Variants in BPI observed in about 807,000 individuals in gnomAD.
The protein encoded by BPI is bactericidal permeability-increasing protein.
A neutral mutation model predicts 57.6 loss-of-function variants in BPI; 48 were observed. That is an observed-to-expected ratio of 0.83 (90% CI 0.66 to 1.06). The LOEUF (loss-of-function observed/expected upper bound fraction) is 1.06. Ranked by LOEUF, BPI falls within the 50% of genes least tolerant of loss-of-function variation. The probability of loss-of-function intolerance (pLI) is 0.00; values close to 1 mark genes in which losing one functional copy is unlikely to be tolerated. For missense variants in BPI, 651 were observed against 609.7 expected (o/e 1.07, Z -0.71); for synonymous variants, 237 against 238.2 (o/e 0.99, Z 0.05).
intron 10 of BPI, 164 bp downstream of exon 10, chr20:38,326,596 A>G: frequency 1.3e-6 from 1 of 773,362 alleles, no homozygotes; most frequent in Non-Finnish European, 1.9e-6. Context: ...CGACTCCTGG[A>G]GGTATTCATT....
Position 38,329,356 on chromosome 20 carries a change from T to G in BPI, c.1230-1692T>G, listed in dbSNP as rs192564666. Reference sequence around the variant, plus strand: ...CACATCCCTGCCCAGTCCCGCCCTCTCCCTGGCACCAAGTCGTCCTTCTTC... The same window carrying G: ...CACATCCCTGCCCAGTCCCGCCCTCGCCCTGGCACCAAGTCGTCCTTCTTC... On this transcript the variant is annotated intron_variant, in intron 11 of 14. Transcript: ENST00000642449. Among the ~76,000 whole-genome samples, 286 of 152,322 alleles carry G rather than the reference T, an allele frequency of 1.9e-3. 1 individual carries two copies. The highest frequency in any genetic ancestry group is 6.7e-3 in the African/African-American group (277 of 41,576).
At chr20:38,307,030 A>T (rs2076599924) in intron 1 of BPI, among the ~76,000 whole-genome samples, 1 of 151,764 alleles carries the variant, frequency 6.6e-6, no homozygotes, top group African/African-American at 2.4e-5. Flanking sequence ...CAAAAATGTT[A>T]AAAAAAAATT....
intron 5 of BPI, among the ~76,000 whole-genome samples, chr20:38,313,407 A>G (rs1473118565): frequency 6.7e-6 from 1 of 148,324 alleles, no homozygotes; most frequent in Non-Finnish European, 1.5e-5. Flanking sequence ...AAAAAAAAAA[A>G]AAAAAAGGGT....
At chr20:38,312,020 T>C in intron 5 of BPI, 83 bp downstream of exon 5, 1 of 1,393,296 alleles carries the variant, frequency 7.2e-7, no homozygotes, top group Non-Finnish European at 1.0e-6. Flanking sequence ...ACGGACACTC[T>C]GCTGTCACTC....
Position 38,323,404 on chromosome 20 carries a change from C to T in BPI, c.757-466C>T, listed in dbSNP as rs533131124. On this transcript the variant is annotated intron_variant, in intron 7 of 14. Transcript: ENST00000642449. ...GGGTAGCATCAGTTTAAAGCACACA[C>T]GACTCTCAAAACAATTTTCCTCTTT... 3.9e-5 allele frequency among the ~76,000 whole-genome samples: 6 copies of T among 152,330 alleles called. No homozygotes were observed. The East Asian group carries it at 7.7e-4, about 20-fold the overall frequency.
chr20:38,326,818 G>C (rs1227686179), intron 10 of BPI, among the ~76,000 whole-genome samples: 1 of 152,058 alleles, frequency 6.6e-6, no homozygotes, highest in African/African-American at 2.4e-5. Context: ...TTAGATTGTT[G>C]ACTTGAAATA....
intron 11 of BPI, 152 bp downstream of exon 11, chr20:38,327,807 T>C: frequency 1.1e-6 from 1 of 896,200 alleles, no homozygotes; most frequent in Non-Finnish European, 1.7e-6. Context: ...ATGGCCACAG[T>C]ATCCCCATTT....
chr20:38,322,016 A>G lies in BPI; in HGVS notation c.756+1742A>G, dbSNP rs541772991. Among the ~76,000 whole-genome samples, 4 of 152,346 alleles carry G rather than the reference A, an allele frequency of 2.6e-5. No homozygotes were observed. The South Asian group carries it at 6.2e-4, about 24-fold the overall frequency. ...CAGACATATATTTTGCATGTGTCATATTATATATTCTGCTTTACAACTTTA... is the reference window on the plus strand; with the variant it reads ...CAGACATATATTTTGCATGTGTCATGTTATATATTCTGCTTTACAACTTTA... On this transcript the variant is annotated intron_variant, in intron 7 of 14. Transcript: ENST00000642449.
intron 1 of BPI, among the ~76,000 whole-genome samples, chr20:38,306,460 G>A (rs1021186767): frequency 2.0e-5 from 3 of 152,210 alleles, no homozygotes; most frequent in Admixed American, 6.5e-5. Context: ...AGAGACATTC[G>A]TCAGAGTCAC....
At chr20:38,313,413 A>G (rs1041552429) in intron 5 of BPI, among the ~76,000 whole-genome samples, 4 of 115,474 alleles carry the variant, frequency 3.5e-5, no homozygotes, top group East Asian at 2.7e-4. Flanking sequence ...AAAAAAAAAA[A>G]GGGTAGGGGG....
chr20:38,329,204 CAGAG>C lies in BPI; in HGVS notation c.1229+1550_1229+1553del, dbSNP rs1040027271. Among the ~76,000 whole-genome samples, 10 of 151,608 alleles carry C rather than the reference CAGAG, an allele frequency of 6.6e-5. No individual in the cohort carries two copies. The East Asian group carries it at 1.9e-3, about 29-fold the overall frequency. The stretch of plus-strand genomic sequence containing the variant: ...AGAAAGAGGGAGACACTCAGAGAAA[CAGAG>C]GGAGGGAGTCGGGGGGCAGAGAGAA... On this transcript the variant is annotated intron_variant, in intron 11 of 14. Transcript: ENST00000642449.
intron 11 of BPI, among the ~76,000 whole-genome samples, chr20:38,328,648 G>A (rs555119394): frequency 6.6e-6 from 1 of 152,108 alleles, no homozygotes; most frequent in South Asian, 2.1e-4. Context: ...AACACTTCCA[G>A]GGATAGAATA....
chr20:38,330,904 G>T, intron 11 of BPI, 144 bp from the exon 12 acceptor site: 1 of 876,098 alleles, frequency 1.1e-6, no homozygotes, highest in Non-Finnish European at 1.8e-6. Context: ...CAACATCGGG[G>T]GGCTGTGACC....
At chr20:38,310,429 C>A in intron 3 of BPI, 62 bp from the exon 4 acceptor site, 1 of 1,574,372 alleles carries the variant, frequency 6.4e-7, no homozygotes, top group Non-Finnish European at 8.7e-7. Flanking sequence ...AGCACTGGGG[C>A]AAAGTTTGAA....
intron 5 of BPI, among the ~76,000 whole-genome samples, chr20:38,313,664 TTGA>T (rs556748284): frequency 1.0e-3 from 152 of 152,294 alleles, no homozygotes; most frequent in Non-Finnish European, 1.7e-3. Flanking sequence ...GCTGCTGCTG[TTGA>T]TGATGATGAT....
chr20:38,319,351 G>A (rs150655676), intron 6 of BPI, among the ~76,000 whole-genome samples: 3 of 152,230 alleles, frequency 2.0e-5, no homozygotes, highest in Non-Finnish European at 2.9e-5. Flanking sequence ...TACAAATCTG[G>A]AGCTAAGATT....
rs201427770 is a variant in BPI at position 38,304,277 on chromosome 20, C to T, written c.54C>T (p.Val18=). The change falls in exon 1 of 15, where the codon GTC becomes GTT. Residue 18 remains valine, a synonymous_variant. Transcript: ENST00000642449. ...APRWASLMVL[V]AIGTAVTAAV... is the part of the protein sequence containing the mutation. ...GATGGGCGTCCCTGATGGTGCTGGT[C>T]GCCATAGGCACCGCCGTGACAGCGG... is the stretch of plus-strand genomic sequence containing the variant. The T allele has an allele frequency of 6.8e-6, 11 of 1,614,114 alleles. No individual in the cohort carries two copies. The East Asian group carries it at 8.9e-5, about 13-fold the overall frequency.
At chr20:38,319,910 T>C in intron 6 of BPI, 1 of 435,178 alleles carries the variant, frequency 2.3e-6, no homozygotes, top group African/African-American at 2.0e-5. Flanking sequence ...AGAGTTTGGT[T>C]CAAGCCTAGG....
intron 1 of BPI, among the ~76,000 whole-genome samples, chr20:38,306,114 C>T (rs1194846835): frequency 6.6e-6 from 1 of 152,226 alleles, no homozygotes; most frequent in Admixed American, 6.5e-5. Context: ...TCACTGCAAC[C>T]TCTGCCTCCG....
Sources: gnomAD v4.1 joint callset for allele counts (sites outside exome capture counted in the v4.1 genomes callset) on GRCh38, gnomAD v4.1.1 for gene constraint, MANE v1.5 for transcripts, NCBI Gene and HGNC (gene_info 2026-07-23, HGNC 2026-07-21) for gene names.